The following SLCO1B1 variants were observed in gnomAD, a reference collection of about 807,000 sequenced individuals.
SLCO1B1 encodes solute carrier organic anion transporter family member 1B1.
Under a neutral mutation model 70.1 loss-of-function variants are expected in SLCO1B1, and 81 were observed. That is an observed-to-expected ratio of 1.16 (90% confidence interval 0.97 to 1.39). The LOEUF is 1.39. Ranked by LOEUF, SLCO1B1 falls within the 40% of genes most tolerant of loss-of-function variation. The pLI is 0.00. For missense variants in SLCO1B1, 895 were observed against 799.6 expected (o/e 1.12, Z -1.44); for synonymous variants, 283 against 271.5 (o/e 1.04, Z -0.42).
intron 10 of SLCO1B1, among the ~76,000 whole-genome samples, chr12:21,205,236 CAT>C (rs1941202019): frequency 6.6e-6 from 1 of 151,694 alleles, no homozygotes; most frequent in Non-Finnish European, 1.5e-5. Flanking sequence ...ATGTTATAAT[CAT>C]ATTTTATAAT....
Position 21,197,064 on chromosome 12 carries a change from T to C in SLCO1B1, c.846T>C (p.Thr282=). ...TACCATTCTTTTTCTTGCCCCAAACTCCAAATAAACCACAAAAAGAAAGAA... is the reference window on the plus strand; with the variant it reads ...TACCATTCTTTTTCTTGCCCCAAACCCCAAATAAACCACAAAAAGAAAGAA... ...SSIPFFFLPQ[T]PNKPQKERKA... Residue 282 remains threonine (T), a synonymous_variant, in exon 8 of 15, where the codon ACT becomes ACC. Transcript: ENST00000256958. 1 of 1,613,550 alleles carries C rather than the reference T, an allele frequency of 6.2e-7. No homozygotes were observed. Among genetic ancestry groups the C allele is most frequent in the South Asian group, 1.1e-5 (1 of 91,068 alleles).
At chr12:21,187,967 C>T (rs1156587718) in intron 7 of SLCO1B1, among the ~76,000 whole-genome samples, 4 of 152,018 alleles carry the variant, frequency 2.6e-5, no homozygotes, top group Admixed American at 2.0e-4. Flanking sequence ...AGCAGCAGTG[C>T]CAGAAACAAA....
At chr12:21,149,638 G>T (rs1017107031) in intron 2 of SLCO1B1, among the ~76,000 whole-genome samples, 1 of 152,096 alleles carries the variant, frequency 6.6e-6, no homozygotes, top group Non-Finnish European at 1.5e-5. Context: ...GAAGCCACGA[G>T]GGACTGTGCC....
intron 11 of SLCO1B1, among the ~76,000 whole-genome samples, chr12:21,211,409 G>A (rs1171602531): frequency 1.4e-4 from 21 of 151,568 alleles, no homozygotes; most frequent in African/African-American, 4.9e-4. Context: ...CAGGGATGAA[G>A]CCCACTTGAT....
chr12:21,145,759 C>G (rs1476404153), intron 2 of SLCO1B1, among the ~76,000 whole-genome samples: 2 of 151,842 alleles, frequency 1.3e-5, no homozygotes, highest in Non-Finnish European at 2.9e-5. Context: ...TAAAATGGTA[C>G]TTTGTTTTAG....
intron 2 of SLCO1B1, among the ~76,000 whole-genome samples, chr12:21,144,586 A>G (rs935961326): frequency 6.6e-6 from 1 of 152,066 alleles, no homozygotes; most frequent in Non-Finnish European, 1.5e-5. Flanking sequence ...ACTATACAAG[A>G]TGGTCATCCA....
chr12:21,229,081 C>T (rs916884601), intron 14 of SLCO1B1, among the ~76,000 whole-genome samples: 1 of 151,750 alleles, frequency 6.6e-6, no homozygotes. Flanking sequence ...TTTAAATAAA[C>T]TCAATTTTAG....
intron 1 of SLCO1B1, among the ~76,000 whole-genome samples, chr12:21,139,139 G>A (rs1940272134): frequency 6.6e-6 from 1 of 152,032 alleles, no homozygotes. Context: ...AAAACTAAAG[G>A]AAGACTATCC....
intron 2 of SLCO1B1, among the ~76,000 whole-genome samples, chr12:21,159,896 C>T (rs1169705815): frequency 1.3e-5 from 2 of 151,702 alleles, no homozygotes; most frequent in East Asian, 3.9e-4. Context: ...GAATAAAATA[C>T]TTTGAAATAT....
At chr12:21,224,570 TC>T in intron 13 of SLCO1B1, 151 bp from the exon 14 acceptor site, 1 of 613,262 alleles carries the variant, frequency 1.6e-6, no homozygotes, top group South Asian at 2.0e-5. Flanking sequence ...TTTCTAATAA[TC>T]TTTATTATTG....
rs921225520 is a variant in SLCO1B1 at position 21,200,267 on chromosome 12, C to T, written c.971-241C>T. Among the ~76,000 whole-genome samples the T allele has an allele frequency of 4.6e-5, 7 of 152,070 alleles. 1 individual carries two copies. Among genetic ancestry groups the T allele is most frequent in the African/African-American group, 1.4e-4 (6 of 41,402 alleles). The stretch of plus-strand genomic sequence containing the variant: ...AAAGCAAGTTACAAAACAGCACTTA[C>T]GTATGACCCTATTTGAGGGTAAAAT... On this transcript the variant is annotated intron_variant, in intron 8 of 14. Transcript: ENST00000256958.
chr12:21,198,785 A>G (rs12315464), intron 8 of SLCO1B1, among the ~76,000 whole-genome samples: 1,543 of 152,228 alleles, frequency 0.01, 36 homozygotes, highest in South Asian at 0.039. Flanking sequence ...ATTGCTTCCT[A>G]AGGTACTTAG....
intron 11 of SLCO1B1, among the ~76,000 whole-genome samples, chr12:21,208,084 C>T (rs1941235042): frequency 6.6e-6 from 1 of 151,742 alleles, no homozygotes; most frequent in African/African-American, 2.4e-5. Context: ...TTCTCCCATT[C>T]CATAGATTGT....
chr12:21,186,185 T>A (rs1940959722), intron 7 of SLCO1B1, among the ~76,000 whole-genome samples: 1 of 152,050 alleles, frequency 6.6e-6, no homozygotes, highest in South Asian at 2.1e-4. Flanking sequence ...CAGAAACACA[T>A]ATGTACCTCA....
rs146299460 is a variant in SLCO1B1, at chr12:21,194,380, G to T, written c.728-2566G>T. On this transcript the variant is annotated intron_variant, in intron 7 of 14. Coordinates refer to ENST00000256958, the MANE Select transcript of SLCO1B1 (RefSeq NM_006446.5). ...AGTGATTTTAGAGCCACACTTCCTG[G>T]CTTCTGTTTTTATTATTTTAATTAT... Among the ~76,000 whole-genome samples, 10 of 151,904 alleles carry T rather than the reference G, an allele frequency of 6.6e-5. 1 individual carries two copies. In the South Asian group the frequency reaches 1.2e-3, roughly 19 times the overall value.
chr12:21,166,976 A>G (rs1940694219), intron 2 of SLCO1B1, among the ~76,000 whole-genome samples: 1 of 152,232 alleles, frequency 6.6e-6, no homozygotes, highest in Non-Finnish European at 1.5e-5. Flanking sequence ...TTAACAAGAA[A>G]TGAGACATAA....
chr12:21,159,116 A>G (rs540690984), intron 2 of SLCO1B1, among the ~76,000 whole-genome samples: 3 of 152,322 alleles, frequency 2.0e-5, no homozygotes, highest in African/African-American at 7.2e-5. Flanking sequence ...CCTCTGTGAT[A>G]GTAAACACAT....
At chr12:21,219,239 T>C (rs1941394613) in intron 12 of SLCO1B1, among the ~76,000 whole-genome samples, 1 of 152,148 alleles carries the variant, frequency 6.6e-6, no homozygotes, top group Admixed American at 6.5e-5. Context: ...CAAGAGATAC[T>C]AGTTCAGATA....
chr12:21,136,127 A>T (rs1940217622), intron 1 of SLCO1B1, among the ~76,000 whole-genome samples: 1 of 152,138 alleles, frequency 6.6e-6, no homozygotes, highest in African/African-American at 2.4e-5. Context: ...TGGGTTGAAA[A>T]TTCTTTTCTT....
Sources: allele counts gnomAD v4.1 joint callset (sites outside exome capture counted in the v4.1 genomes callset), GRCh38; gene constraint gnomAD v4.1.1; transcripts MANE v1.5; gene names NCBI Gene and HGNC (gene_info 2026-07-23, HGNC 2026-07-21).